Variants in ZEB1 observed in about 807,000 individuals in gnomAD.
ZEB1 encodes zinc finger E-box binding homeobox 1, also known as zinc finger E-box-binding homeobox 1.
A neutral mutation model predicts 84.9 loss-of-function variants in ZEB1; 21 were observed. That is an observed-to-expected ratio of 0.25 (90% CI 0.18 to 0.36). The LOEUF (loss-of-function observed/expected upper bound fraction) is 0.36, where lower values mean the gene tolerates loss of function less well. ZEB1 is among the 10% of genes least tolerant of loss of function. ZEB1 has a pLI of 1.00. For missense variants in ZEB1, 1,104 were observed against 1,330.2 expected (o/e 0.83, Z 2.65); for synonymous variants, 420 against 471.1 (o/e 0.89, Z 1.41).
rs1345718813 is a variant in ZEB1 at position 31,450,798 on chromosome 10, A to G, written c.59-10239A>G. 2.0e-5 allele frequency among the ~76,000 whole-genome samples: 3 copies of G among 152,086 alleles called. No individual in the cohort carries two copies. In the South Asian group the frequency reaches 6.2e-4, roughly 31 times the overall value. On this transcript the variant is annotated intron_variant, in intron 1 of 8. Transcript: ENST00000424869. The stretch of plus-strand genomic sequence containing the variant: ...AGTAAAAGCACATATATTTTCTAAT[A>G]TTAAGTAATGTTTGCTTCATTCTTT...
intron 2 of ZEB1, among the ~76,000 whole-genome samples, chr10:31,476,297 A>T (rs2064175838): frequency 1.3e-5 from 2 of 152,092 alleles, no homozygotes; most frequent in Non-Finnish European, 2.9e-5. Context: ...GATACAACAG[A>T]AATACAAAAG....
chr10:31,524,287 C>T (rs979618788), intron 8 of ZEB1, among the ~76,000 whole-genome samples, 174 bp downstream of exon 8: 2 of 151,472 alleles, frequency 1.3e-5, no homozygotes, highest in African/African-American at 2.4e-5. Context: ...ATCTCAATCT[C>T]GGCTCACTGC....
At chr10:31,506,563 T>C (rs188821980) in intron 4 of ZEB1, among the ~76,000 whole-genome samples, 254 of 152,160 alleles carry the variant, frequency 1.7e-3, no homozygotes, top group Non-Finnish European at 3.3e-3. Flanking sequence ...GATTTAAGAG[T>C]TTATCTCATT....
At chr10:31,484,122 C>G (rs1056824302) in intron 2 of ZEB1, among the ~76,000 whole-genome samples, 1 of 152,004 alleles carries the variant, frequency 6.6e-6, no homozygotes, top group African/African-American at 2.4e-5. Context: ...CTGCCTCACT[C>G]TCTTTCACTT....
rs1383366226 is a variant in ZEB1 at position 31,339,909 on chromosome 10, TTTCTC to T, written c.58+20619_58+20623del. 9.2e-5 allele frequency among the ~76,000 whole-genome samples: 14 copies of T among 152,302 alleles called. 3 individuals carry two copies. Among genetic ancestry groups the T allele is most frequent in the Admixed American group, 8.5e-4 (13 of 15,302 alleles). On this transcript the variant is annotated intron_variant, in intron 1 of 8. Coordinates refer to ENST00000424869, the MANE Select transcript of ZEB1 (RefSeq NM_001174096.2). ...CACATCTCTTATTTGTTTTGCTTCA[TTTCTC>T]TACTAGGGAGAGGAGGTCATATAAT...
rs182372696 is a variant in ZEB1, at chr10:31,412,704, A to G, written c.59-48333A>G. Among the ~76,000 whole-genome samples the G allele has an allele frequency of 8.7e-4, 132 of 152,290 alleles. 1 individual carries two copies. The highest frequency in any genetic ancestry group is 1.8e-4 in the Non-Finnish European group (12 of 68,008). On this transcript the variant is annotated intron_variant, in intron 1 of 8. Transcript: ENST00000424869. ...TCTTTAAGACTGCTTATAGAATGCT[A>G]TGGACTCATTGGCTTGGTTTTTTAT...
At chr10:31,451,349 C>A (rs1168518038) in intron 1 of ZEB1, among the ~76,000 whole-genome samples, 4 of 152,042 alleles carry the variant, frequency 2.6e-5, no homozygotes, top group Non-Finnish European at 4.4e-5. Flanking sequence ...ATTAAGTAGG[C>A]TGGTAATTTA....
At chr10:31,379,986 T>C (rs1023884611) in intron 1 of ZEB1, among the ~76,000 whole-genome samples, 1 of 152,204 alleles carries the variant, frequency 6.6e-6, no homozygotes, top group African/African-American at 2.4e-5. Context: ...CAATAACTAC[T>C]AACCACCTCA....
chr10:31,369,290 A>G (rs1375772395), intron 1 of ZEB1, among the ~76,000 whole-genome samples: 1 of 152,186 alleles, frequency 6.6e-6, no homozygotes, highest in Non-Finnish European at 1.5e-5. Flanking sequence ...TCAACTTGCT[A>G]CGGAATAGAT....
chr10:31,517,430 T>C (rs995797207), intron 6 of ZEB1, among the ~76,000 whole-genome samples: 1 of 151,738 alleles, frequency 6.6e-6, no homozygotes, highest in Non-Finnish European at 1.5e-5. Flanking sequence ...AAAATAATTT[T>C]CCATGGTCTT....
chr10:31,501,627 C>A (rs911246300), intron 3 of ZEB1, among the ~76,000 whole-genome samples: 1 of 151,942 alleles, frequency 6.6e-6, no homozygotes, highest in Non-Finnish European at 1.5e-5. Flanking sequence ...GAGCTCCCCC[C>A]CCCATTATCT....
chr10:31,363,702 T>G, intron 1 of ZEB1: 1 of 1,231,722 alleles, frequency 8.1e-7, no homozygotes, highest in Non-Finnish European at 1.1e-6. Context: ...GGCTGAGGTG[T>G]CCAAACATTA....
intron 1 of ZEB1, among the ~76,000 whole-genome samples, chr10:31,410,108 T>G (rs1372310163): frequency 1.3e-5 from 2 of 152,152 alleles, no homozygotes; most frequent in African/African-American, 4.8e-5. Context: ...GGAATGCTTC[T>G]AGCTTTTGCC....
chr10:31,409,182 A>C (rs2053741692), intron 1 of ZEB1, among the ~76,000 whole-genome samples: 1 of 152,220 alleles, frequency 6.6e-6, no homozygotes, highest in African/African-American at 2.4e-5. Flanking sequence ...AATGCAAATC[A>C]AAACCACAAT....
rs1315328009 is a variant in ZEB1 at position 31,379,437 on chromosome 10, C to G, written c.58+60145C>G. On this transcript the variant is annotated intron_variant, in intron 1 of 8. Coordinates refer to ENST00000424869, the MANE Select transcript of ZEB1 (RefSeq NM_001174096.2). ...TTTCTGTCTCTGTCTGTCTGTCTCTCTCTCTGTGTGTGTATATATATATAC... is the reference window on the plus strand; with the variant it reads ...TTTCTGTCTCTGTCTGTCTGTCTCTGTCTCTGTGTGTGTATATATATATAC... Among the ~76,000 whole-genome samples, 5 of 151,800 alleles carry G rather than the reference C, an allele frequency of 3.3e-5. No individual in the cohort carries two copies. In the Admixed American group the frequency reaches 3.3e-4, roughly 10 times the overall value.
intron 1 of ZEB1, among the ~76,000 whole-genome samples, chr10:31,348,655 C>T (rs2133805267): frequency 6.6e-6 from 1 of 152,100 alleles, no homozygotes; most frequent in Middle Eastern, 3.4e-3. Context: ...CAAACCATTT[C>T]AAATAGAAAA....
chr10:31,427,088 A>G (rs546662107), intron 1 of ZEB1, among the ~76,000 whole-genome samples: 1 of 152,284 alleles, frequency 6.6e-6, no homozygotes, highest in East Asian at 1.9e-4. Flanking sequence ...TATGTTTAAA[A>G]AAAAAACCCG....
At position 31,495,675 on chromosome 10, in the gene ZEB1, G is replaced by T. The variant is rs977992960; in HGVS notation, c.260-101G>T. The T allele has an allele frequency of 1.0e-5, 12 of 1,163,698 alleles. No individual in the cohort carries two copies. In the African/African-American group the frequency reaches 1.8e-4, roughly 18 times the overall value. 72.1% of individuals were successfully genotyped at this position (1,163,698 alleles called of 1,614,324 possible). ...TTGATACATGTATACAATGTGTAAT[G>T]ATCAGATCAGAGTAATTGGGATATC... On this transcript the variant is annotated intron_variant, in intron 2 of 8. Transcript: ENST00000424869.
intron 1 of ZEB1, among the ~76,000 whole-genome samples, chr10:31,378,532 AG>A (rs1377101726): frequency 6.6e-6 from 1 of 151,646 alleles, no homozygotes; most frequent in Non-Finnish European, 1.5e-5. Flanking sequence ...TTTAGGGAAA[AG>A]ATACAATTAT....
Sources: allele counts gnomAD v4.1 joint callset (sites outside exome capture counted in the v4.1 genomes callset), GRCh38; gene constraint gnomAD v4.1.1; transcripts MANE v1.5; gene names NCBI Gene and HGNC (gene_info 2026-07-23, HGNC 2026-07-21).